OPCML: variants seen among roughly 807,000 people sequenced by gnomAD.
OPCML encodes the protein opioid-binding protein/cell adhesion molecule.
A neutral mutation model predicts 37.8 loss-of-function variants in OPCML; 13 were observed. That is an observed-to-expected ratio of 0.34 (90% CI 0.22 to 0.55). The LOEUF (loss-of-function observed/expected upper bound fraction) is 0.55. OPCML is among the 20% of genes least tolerant of loss of function. OPCML has a pLI of 0.91. For synonymous variants in OPCML, 176 were observed against 168.8 expected (o/e 1.04, Z -0.33); for missense variants, 341 against 435.6 (o/e 0.78, Z 1.93).
At chr11:133,180,557 G>A (rs532328084) in intron 1 of OPCML, among the ~76,000 whole-genome samples, 30 of 152,128 alleles carry the variant, frequency 2.0e-4, no homozygotes, top group Non-Finnish European at 3.4e-4. Context: ...CCTCCACAGC[G>A]TAGGCACCTT....
At chr11:132,819,915 T>C (rs1939873627) in intron 2 of OPCML, among the ~76,000 whole-genome samples, 1 of 152,184 alleles carries the variant, frequency 6.6e-6, no homozygotes, top group Non-Finnish European at 1.5e-5. Flanking sequence ...CAGGGCTTCC[T>C]TTAATGATGT....
chr11:133,026,264 AT>A (rs1947552602), intron 1 of OPCML, among the ~76,000 whole-genome samples: 3 of 152,210 alleles, frequency 2.0e-5, no homozygotes, highest in Non-Finnish European at 2.9e-5. Context: ...ACTCAAATGC[AT>A]ACATGTAAAA....
At chr11:133,323,544 C>A (rs1943382692) in intron 1 of OPCML, among the ~76,000 whole-genome samples, 1 of 152,174 alleles carries the variant, frequency 6.6e-6, no homozygotes, top group South Asian at 2.1e-4. Context: ...GAGGACAGTT[C>A]TTGTGGGTCA....
chr11:132,747,565 G>T (rs1292973322), intron 2 of OPCML, among the ~76,000 whole-genome samples: 1 of 152,134 alleles, frequency 6.6e-6, no homozygotes, highest in Non-Finnish European at 1.5e-5. Context: ...CAACCAAAAG[G>T]GGCCCACTGG....
At chr11:132,996,187 G>A (rs2136831698) in intron 1 of OPCML, among the ~76,000 whole-genome samples, 1 of 152,288 alleles carries the variant, frequency 6.6e-6, no homozygotes, top group African/African-American at 2.4e-5. Context: ...TATTAAGCAT[G>A]TTGTGCCCCC....
intron 2 of OPCML, among the ~76,000 whole-genome samples, chr11:132,911,250 A>G (rs1296797252): frequency 6.6e-6 from 1 of 152,226 alleles, no homozygotes; most frequent in African/African-American, 2.4e-5. Context: ...TGATATCTCA[A>G]CAGCTGGAAA....
intron 3 of OPCML, among the ~76,000 whole-genome samples, chr11:132,581,587 C>G (rs1343030290): frequency 6.6e-6 from 1 of 152,158 alleles, no homozygotes; most frequent in Non-Finnish European, 1.5e-5. Context: ...GGGCAGAAAA[C>G]TAAGGCAGAG....
chr11:132,853,088 T>C (rs930164903), intron 2 of OPCML, among the ~76,000 whole-genome samples: 11 of 152,226 alleles, frequency 7.2e-5, no homozygotes, highest in Non-Finnish European at 1.6e-4. Context: ...TTGAATGATC[T>C]TGAATGAAAT....
chr11:132,471,556 A>T (rs2096138064), intron 4 of OPCML, among the ~76,000 whole-genome samples: 1 of 151,966 alleles, frequency 6.6e-6, no homozygotes, highest in South Asian at 2.1e-4. Context: ...AAGTTGGCTC[A>T]CTCTCGCAAC....
Position 132,427,179 on chromosome 11 carries a change from T to C in OPCML, c.917-6886A>G, listed in dbSNP as rs530732975. ...AAGAAAAAAAAAGCCCCTAGGCAAG[T>C]TGAGCTTGTTGACAGCACAGTGAGA... is the stretch of plus-strand genomic sequence containing the variant. On this transcript the variant is annotated intron_variant, in intron 7 of 7. Transcript: ENST00000524381. Among the ~76,000 whole-genome samples, 263 of 152,254 alleles carry C rather than the reference T, an allele frequency of 1.7e-3. 8 individuals are homozygous for C. The highest frequency in any genetic ancestry group is 6.8e-3 in the Middle Eastern group (2 of 294).
intron 3 of OPCML, among the ~76,000 whole-genome samples, chr11:132,623,883 CAA>C (rs1286821480): frequency 1.3e-5 from 2 of 152,192 alleles, no homozygotes; most frequent in African/African-American, 4.8e-5. Context: ...TTACTAGAAA[CAA>C]GAGAAATTTG....
chr11:133,057,647 C>G (rs1461659543), intron 1 of OPCML, among the ~76,000 whole-genome samples: 1 of 152,194 alleles, frequency 6.6e-6, no homozygotes, highest in Admixed American at 6.5e-5. Flanking sequence ...CTGCTATTTG[C>G]CCTTTTTTCA....
At chr11:133,348,070 C>T (rs549345167) in intron 1 of OPCML, among the ~76,000 whole-genome samples, 38 of 152,268 alleles carry the variant, frequency 2.5e-4, no homozygotes, top group Admixed American at 6.5e-4. Context: ...TGAAAAAAAG[C>T]TGTTCTTTCT....
chr11:132,454,670 A>G (rs1229417720), intron 4 of OPCML, among the ~76,000 whole-genome samples: 2 of 152,188 alleles, frequency 1.3e-5, no homozygotes, highest in Admixed American at 6.5e-5. Flanking sequence ...TCTGTAACCT[A>G]TTAAATTTTG....
chr11:132,671,349 T>C (rs2135817448), intron 2 of OPCML, among the ~76,000 whole-genome samples: 1 of 152,246 alleles, frequency 6.6e-6, no homozygotes, highest in South Asian at 2.1e-4. Flanking sequence ...CAAAACTCTT[T>C]CCTTGGGCCA....
At chr11:132,662,214 C>A (rs950903187) in intron 2 of OPCML, among the ~76,000 whole-genome samples, 9 of 152,028 alleles carry the variant, frequency 5.9e-5, no homozygotes, top group Admixed American at 5.2e-4. Flanking sequence ...CTGGAGGGAC[C>A]AAGAATGTGC....
intron 1 of OPCML, among the ~76,000 whole-genome samples, chr11:133,404,144 C>T (rs1214590202): frequency 6.6e-6 from 1 of 152,208 alleles, no homozygotes; most frequent in Non-Finnish European, 1.5e-5. Flanking sequence ...AGTCTTCACA[C>T]GACGCCCTCC....
rs1172392633 is a variant in OPCML at position 132,740,573 on chromosome 11, T to C, written c.147-83254A>G. ...GGAGCCCTCTCAGTATAATTTATTA[T>C]ATTTATGTAGCACCTATCACCTCGC... On this transcript the variant is annotated intron_variant, in intron 2 of 7. Coordinates refer to ENST00000524381, the MANE Select transcript of OPCML (RefSeq NM_001012393.5). 5.3e-5 allele frequency among the ~76,000 whole-genome samples: 8 copies of C among 152,304 alleles called. No individual in the cohort carries two copies. The East Asian group carries it at 1.5e-3, about 29-fold the overall frequency.
At chr11:133,028,134 C>A (rs11223333) in intron 1 of OPCML, among the ~76,000 whole-genome samples, 96,809 of 151,450 alleles carry the variant, frequency 0.64, 31,658 homozygotes, top group East Asian at 0.79. Context: ...ATTTTTATTT[C>A]TTTCTTTTTA....
Sources: allele counts gnomAD v4.1 joint callset (sites outside exome capture counted in the v4.1 genomes callset), GRCh38; gene constraint gnomAD v4.1.1; transcripts MANE v1.5; gene names NCBI Gene and HGNC (gene_info 2026-07-23, HGNC 2026-07-21).